Variants in MYO16 observed in about 807,000 individuals in gnomAD.
MYO16 encodes myosin XVI.
A neutral mutation model predicts 205.3 loss-of-function variants in MYO16; 94 were observed. The observed-to-expected ratio is 0.46, with a 90% CI of 0.39 to 0.54. The LOEUF is 0.54. MYO16 is among the 20% of genes least tolerant of loss of function. The pLI, the probability that MYO16 is intolerant of heterozygous loss-of-function variation, is 0.00. For missense variants in MYO16, 2,315 were observed against 2,387.5 expected (o/e 0.97, Z 0.63); for synonymous variants, 988 against 954.0 (o/e 1.04, Z -0.66).
chr13:108,859,872 T>C (rs1204078371), intron 11 of MYO16, among the ~76,000 whole-genome samples: 1 of 152,170 alleles, frequency 6.6e-6, no homozygotes, highest in Non-Finnish European at 1.5e-5. Context: ...AAGAGAATTC[T>C]GAAACAAATA....
At chr13:108,681,091 T>A in intron 2 of MYO16, among the ~76,000 whole-genome samples, 1 of 152,256 alleles carries the variant, frequency 6.6e-6, no homozygotes, top group African/African-American at 2.4e-5. Context: ...TGCAAGCATG[T>A]AAAACCATTT....
chr13:108,711,524 T>C (rs1348734651), intron 2 of MYO16, among the ~76,000 whole-genome samples: 1 of 152,228 alleles, frequency 6.6e-6, no homozygotes, highest in Non-Finnish European at 1.5e-5. Context: ...GGCGGAGGCC[T>C]GTCTCCCTCA....
At chr13:108,496,035 G>T in the MYO16 span, among the ~76,000 whole-genome samples, 3 of 152,142 alleles carry the variant, frequency 2.0e-5, no homozygotes, top group African/African-American at 7.2e-5. Context: ...GCACCGCCGG[G>T]CTGGGGACGC....
chr13:108,750,184 C>T lies in MYO16; in HGVS notation c.507+22601C>T, dbSNP rs897703333. 6.6e-5 allele frequency among the ~76,000 whole-genome samples: 10 copies of T among 152,216 alleles called. No homozygotes were observed. The East Asian group carries it at 9.7e-4, about 15-fold the overall frequency. On this transcript the variant is annotated intron_variant, in intron 4 of 34. Coordinates refer to ENST00000457511, the MANE Select transcript of MYO16 (RefSeq NM_001198950.3). Reference sequence around the variant, plus strand: ...ACTAGTCTGTACGATATTGTGACAGCGGATACATGACACCCTGCCTTTGTG... The same window carrying T: ...ACTAGTCTGTACGATATTGTGACAGTGGATACATGACACCCTGCCTTTGTG...
At chr13:108,584,701 A>T in the MYO16 span, among the ~76,000 whole-genome samples, 1 of 152,126 alleles carries the variant, frequency 6.6e-6, no homozygotes, top group African/African-American at 2.4e-5. Flanking sequence ...TAGCTCCCAC[A>T]TATGAGTGAG....
At chr13:108,544,860 C>T in the MYO16 span, among the ~76,000 whole-genome samples, 1 of 152,146 alleles carries the variant, frequency 6.6e-6, no homozygotes, top group African/African-American at 2.4e-5. Flanking sequence ...CAATGTTCGT[C>T]TTTCTGTACC....
At chr13:108,612,097 G>A (rs977459612) in intron 1 of MYO16, among the ~76,000 whole-genome samples, 1 of 144,632 alleles carries the variant, frequency 6.9e-6, no homozygotes, top group African/African-American at 2.6e-5. Flanking sequence ...GTGCATATTT[G>A]TAGAGACTTG....
chr13:108,646,102 A>T (rs774414173), intron 1 of MYO16, among the ~76,000 whole-genome samples: 3 of 152,170 alleles, frequency 2.0e-5, no homozygotes, highest in Non-Finnish European at 2.9e-5. Context: ...TTAGTTTGTG[A>T]TCACATGTCT....
At chr13:109,174,683 C>T (rs768705578) in intron 33 of MYO16, among the ~76,000 whole-genome samples, 7 of 151,866 alleles carry the variant, frequency 4.6e-5, no homozygotes, top group African/African-American at 1.4e-4. Context: ...AGATTCTAAC[C>T]GGTCAGCCAT....
At chr13:109,159,552 G>A (rs1348053657) in intron 32 of MYO16, among the ~76,000 whole-genome samples, 4 of 152,162 alleles carry the variant, frequency 2.6e-5, no homozygotes, top group Non-Finnish European at 4.4e-5. Context: ...TCTATTCTAG[G>A]CACTGAAAAT....
chr13:108,735,447 G>A (rs970622504), intron 4 of MYO16, among the ~76,000 whole-genome samples: 8 of 40,448 alleles, frequency 2.0e-4, no homozygotes, highest in South Asian at 8.3e-4. Context: ...GAACTCATCC[G>A]TTTTTATGGC....
Position 108,716,910 on chromosome 13 carries a change from A to C in MYO16, c.363+4179A>C, listed in dbSNP as rs929253710. Among the ~76,000 whole-genome samples, 5 of 152,334 alleles carry C rather than the reference A, an allele frequency of 3.3e-5. No homozygotes were observed. In the East Asian group the frequency reaches 7.7e-4, roughly 23 times the overall value. ...AATTTCAACAAATACATCTGAATTAATCTTTTTACCCCACCATTTATTGAA... is the reference window on the plus strand; with the variant it reads ...AATTTCAACAAATACATCTGAATTACTCTTTTTACCCCACCATTTATTGAA... On this transcript the variant is annotated intron_variant, in intron 3 of 34. Transcript: ENST00000457511.
chr13:108,718,774 A>T (rs1231462265), intron 3 of MYO16, among the ~76,000 whole-genome samples: 1 of 152,078 alleles, frequency 6.6e-6, no homozygotes, highest in Non-Finnish European at 1.5e-5. Context: ...GGTCCTTGAG[A>T]ACCATCACAT....
intron 16 of MYO16, among the ~76,000 whole-genome samples, chr13:108,950,638 G>GT (rs1342004402): frequency 4.6e-5 from 7 of 152,152 alleles, no homozygotes; most frequent in Admixed American, 4.6e-4. Context: ...GAGTGTGACA[G>GT]TTTCTTATAA....
chr13:109,137,621 G>A (rs1876840343), intron 31 of MYO16, among the ~76,000 whole-genome samples: 1 of 152,176 alleles, frequency 6.6e-6, no homozygotes, highest in Non-Finnish European at 1.5e-5. Context: ...ACCCTGTATA[G>A]TACTGACTTA....
In MYO16 at chr13:108,888,477, T is replaced by C. The variant is rs1260400545; in HGVS notation, c.1659T>C (p.His553=). The change falls in exon 14 of 35, where the codon CAT becomes CAC. Residue 553 remains histidine (H), a splice_region_variant and synonymous_variant. Coordinates refer to ENST00000457511, the MANE Select transcript of MYO16 (RefSeq NM_001198950.3). ...CCACACTGGATTCCAGATTCAAACA[T>C]GTAAGTTTTTTGTTTGGGTTGGCAA... ...SRATLDSRFK[H]VVCILEAFGH... is the part of the protein sequence containing the mutation. 1.9e-6 allele frequency: 3 copies of C among 1,588,514 alleles called. No individual in the cohort carries two copies. The highest frequency in any genetic ancestry group is 1.2e-5 in the South Asian group (1 of 85,762).
chr13:108,953,539 G>T (rs7989070), intron 16 of MYO16, among the ~76,000 whole-genome samples: 4 of 149,808 alleles, frequency 2.7e-5, no homozygotes, highest in East Asian at 1.9e-4. Context: ...CTGTTTTACC[G>T]ATAATAAAGA....
chr13:108,971,319 G>A (rs1480280290), intron 20 of MYO16, among the ~76,000 whole-genome samples: 1 of 147,852 alleles, frequency 6.8e-6, no homozygotes. Flanking sequence ...TTCAACATCA[G>A]TTCTGAATAA....
intron 1 of MYO16, among the ~76,000 whole-genome samples, chr13:108,613,437 T>C (rs1879246142): frequency 6.6e-6 from 1 of 152,102 alleles, no homozygotes; most frequent in South Asian, 2.1e-4. Context: ...ATGGAAGTTA[T>C]CCTTTTATGT....
Sources: allele counts gnomAD v4.1 joint callset (sites outside exome capture counted in the v4.1 genomes callset), GRCh38; gene constraint gnomAD v4.1.1; transcripts MANE v1.5; gene names NCBI Gene and HGNC (gene_info 2026-07-23, HGNC 2026-07-21).